EXOC4: variants seen among roughly 807,000 people sequenced by gnomAD.
EXOC4 encodes the protein exocyst complex component 4, also known as SEC8-like 1.
In EXOC4, 71 loss-of-function variants were observed where a neutral mutation model predicts 107.2. The observed-to-expected ratio is 0.66, with a 90% CI of 0.55 to 0.81. The LOEUF (loss-of-function observed/expected upper bound fraction) is 0.81. Among genes scored for constraint, EXOC4 ranks in the 30% least tolerant of loss-of-function variants. The probability of loss-of-function intolerance (pLI) is 0.00; values close to 1 mark genes in which losing one functional copy is unlikely to be tolerated. For synonymous variants in EXOC4, 456 were observed against 441.2 expected (o/e 1.03, Z -0.42); for missense variants, 1,108 against 1,189.6 (o/e 0.93, Z 1.01).
At chr7:133,283,308 C>CA (rs1794201095) in intron 2 of EXOC4, among the ~76,000 whole-genome samples, 1 of 152,226 alleles carries the variant, frequency 6.6e-6, no homozygotes, top group Non-Finnish European at 1.5e-5. Context: ...CCCCTGGGCT[C>CA]AAGTGATCTA....
chr7:134,064,710 T>C lies in EXOC4; in HGVS notation c.*182T>C. 2 of 423,342 alleles carry C rather than the reference T, an allele frequency of 4.7e-6. No homozygotes were observed. Among genetic ancestry groups the C allele is most frequent in the East Asian group, 7.3e-5 (2 of 27,262 alleles). The allele number at this position is 423,342 out of a possible 1,614,324, so 26.2% of individuals were successfully genotyped here. ...TATAAATGCTAAAGGAAGGCGACAG[T>C]ACAGAGTGTTTTGGTTGAACAACTA... On this transcript the variant is annotated 3_prime_UTR_variant, in exon 18 of 18. Transcript: ENST00000253861.
chr7:133,420,305 A>AT (rs1421249944), intron 7 of EXOC4, among the ~76,000 whole-genome samples: 1 of 150,898 alleles, frequency 6.6e-6, no homozygotes, highest in Non-Finnish European at 1.5e-5. Context: ...TGAACTCATC[A>AT]TTTTTTATGG....
chr7:133,749,674 A>G (rs1386352440), intron 10 of EXOC4, among the ~76,000 whole-genome samples: 3 of 152,194 alleles, frequency 2.0e-5, no homozygotes, highest in Non-Finnish European at 2.9e-5. Flanking sequence ...GATTACAGGC[A>G]TGAGCCACCA....
chr7:133,444,564 A>G (rs1337198092), intron 7 of EXOC4, among the ~76,000 whole-genome samples: 4 of 152,190 alleles, frequency 2.6e-5, no homozygotes, highest in East Asian at 1.9e-4. Flanking sequence ...ATGACTTCCT[A>G]TGAAAAAGAT....
intron 14 of EXOC4, among the ~76,000 whole-genome samples, chr7:133,940,399 C>T (rs542189845): frequency 2.6e-5 from 4 of 152,332 alleles, no homozygotes; most frequent in South Asian, 4.1e-4. Context: ...TCATCTACCA[C>T]GCCTGTTAAT....
chr7:134,047,520 C>T (rs112628394), intron 17 of EXOC4, among the ~76,000 whole-genome samples: 2 of 152,284 alleles, frequency 1.3e-5, no homozygotes, highest in African/African-American at 2.4e-5. Flanking sequence ...CAGACACCCC[C>T]CAAAGGCACA....
intron 12 of EXOC4, among the ~76,000 whole-genome samples, chr7:133,900,971 A>G (rs149553817): frequency 0.012 from 1,822 of 152,188 alleles, 18 homozygotes; most frequent in Non-Finnish European, 0.02. Flanking sequence ...CCAGATTCAC[A>G]TGATTCTCCT....
intron 10 of EXOC4, among the ~76,000 whole-genome samples, chr7:133,811,035 G>T (rs1239156785): frequency 6.6e-6 from 1 of 152,096 alleles, no homozygotes; most frequent in Non-Finnish European, 1.5e-5. Flanking sequence ...TTAGGAGGCT[G>T]ATCTGAATAA....
chr7:133,555,552 T>G (rs933567854), intron 9 of EXOC4, among the ~76,000 whole-genome samples: 10 of 152,218 alleles, frequency 6.6e-5, no homozygotes, highest in African/African-American at 1.9e-4. Flanking sequence ...TATATGATTT[T>G]AGAAATACTT....
chr7:133,654,449 C>T (rs554458169), intron 10 of EXOC4, among the ~76,000 whole-genome samples: 3 of 152,228 alleles, frequency 2.0e-5, no homozygotes, highest in South Asian at 4.1e-4. Context: ...GTACTTGAAA[C>T]ACAAGTGTTG....
chr7:133,712,770 G>C (rs1794922620), intron 10 of EXOC4, among the ~76,000 whole-genome samples: 1 of 152,170 alleles, frequency 6.6e-6, no homozygotes, highest in Non-Finnish European at 1.5e-5. Flanking sequence ...GTATTATTCA[G>C]TGATAAAAAG....
intron 14 of EXOC4, among the ~76,000 whole-genome samples, chr7:133,941,746 T>C (rs528701549): frequency 6.6e-6 from 1 of 151,830 alleles, no homozygotes; most frequent in Middle Eastern, 3.2e-3. Flanking sequence ...ATACAGCAGA[T>C]AAATCAAAGG....
intron 5 of EXOC4, among the ~76,000 whole-genome samples, chr7:133,338,751 T>G (rs1481700789): frequency 4.3e-5 from 3 of 70,016 alleles, no homozygotes; most frequent in Admixed American, 3.5e-4. Context: ...GTGTAGTCTT[T>G]TTTTTTTTTT....
chr7:133,488,874 A>C (rs932324528), intron 9 of EXOC4, among the ~76,000 whole-genome samples: 1 of 151,026 alleles, frequency 6.6e-6, no homozygotes, highest in Non-Finnish European at 1.5e-5. Context: ...AGAAAATATT[A>C]GATAATATAT....
At chr7:133,424,051 C>T (rs1157274814) in intron 7 of EXOC4, among the ~76,000 whole-genome samples, 1 of 151,914 alleles carries the variant, frequency 6.6e-6, no homozygotes, top group Admixed American at 6.5e-5. Flanking sequence ...ATGGACCAGT[C>T]AGCTCTCTGT....
intron 10 of EXOC4, among the ~76,000 whole-genome samples, chr7:133,809,834 A>T (rs1011057023): frequency 1.3e-4 from 20 of 152,202 alleles, no homozygotes; most frequent in Admixed American, 1.3e-3. Flanking sequence ...ACAGTGATTC[A>T]CTGTTTGTGA....
chr7:134,081,959 C>T, the EXOC4 span, among the ~76,000 whole-genome samples: 1 of 152,170 alleles, frequency 6.6e-6, no homozygotes, highest in Non-Finnish European at 1.5e-5. Context: ...CTCTTTGTTC[C>T]AGACCCTACA....
intron 11 of EXOC4, among the ~76,000 whole-genome samples, chr7:133,887,345 C>T (rs77903798): frequency 0.012 from 1,780 of 152,196 alleles, 38 homozygotes; most frequent in African/African-American, 0.041. Context: ...TTTTATTAAT[C>T]GTATTGTCCT....
At chr7:133,725,047 A>G (rs936971412) in intron 10 of EXOC4, among the ~76,000 whole-genome samples, 1 of 152,242 alleles carries the variant, frequency 6.6e-6, no homozygotes, top group Non-Finnish European at 1.5e-5. Context: ...GTCCTGAACA[A>G]TAGCACTTTC....
Sources: allele counts gnomAD v4.1 joint callset (sites outside exome capture counted in the v4.1 genomes callset), GRCh38; gene constraint gnomAD v4.1.1; transcripts MANE v1.5; gene names NCBI Gene and HGNC (gene_info 2026-07-23, HGNC 2026-07-21).